EPHA3: variants seen among roughly 807,000 people sequenced by gnomAD.
The protein encoded by EPHA3 is EPH receptor A3.
Under a neutral mutation model 107.1 loss-of-function variants are expected in EPHA3, and 42 were observed. The observed-to-expected ratio is 0.39, with a 90% CI of 0.31 to 0.51. The LOEUF (loss-of-function observed/expected upper bound fraction) is 0.51, where lower values mean the gene tolerates loss of function less well. EPHA3 is among the 20% of genes least tolerant of loss of function. EPHA3 has a pLI of 0.78. For missense variants in EPHA3, 1,183 were observed against 1,211.2 expected (o/e 0.98, Z 0.35); for synonymous variants, 461 against 424.8 (o/e 1.09, Z -1.05).
chr3:89,141,611 G>A (rs1397603646), intron 2 of EPHA3, among the ~76,000 whole-genome samples: 1 of 151,554 alleles, frequency 6.6e-6, no homozygotes, highest in Non-Finnish European at 1.5e-5. Flanking sequence ...CACACTTTAA[G>A]AACCAATGTC....
At chr3:89,139,455 A>G (rs1358142045) in intron 2 of EPHA3, among the ~76,000 whole-genome samples, 2 of 151,892 alleles carry the variant, frequency 1.3e-5, no homozygotes, top group Admixed American at 1.3e-4. Context: ...AAGTTGAATT[A>G]GTAACACAAT....
chr3:89,416,795 G>A (rs889609663), intron 10 of EPHA3, among the ~76,000 whole-genome samples: 8 of 151,324 alleles, frequency 5.3e-5, no homozygotes, highest in African/African-American at 1.9e-4. Flanking sequence ...ACATGTTTAT[G>A]TGTCCAGGTG....
Position 89,418,684 on chromosome 3 carries a change from T to C in EPHA3, c.1889-521T>C, listed in dbSNP as rs79140188. Reference sequence around the variant, plus strand: ...CCCAGAGACTTTTATAGCTGGTATGTCAGTAAAGCAACACACCAATACTCC... The same window carrying C: ...CCCAGAGACTTTTATAGCTGGTATGCCAGTAAAGCAACACACCAATACTCC... On this transcript the variant is annotated intron_variant, in intron 10 of 16. Coordinates refer to ENST00000336596, the MANE Select transcript of EPHA3 (RefSeq NM_005233.6). Among the ~76,000 whole-genome samples the C allele has an allele frequency of 3.4e-4, 51 of 151,538 alleles. 1 individual carries two copies. The East Asian group carries it at 9.0e-3, about 27-fold the overall frequency.
chr3:89,426,270 C>T (rs146368508), intron 11 of EPHA3, among the ~76,000 whole-genome samples: 6 of 151,784 alleles, frequency 4.0e-5, no homozygotes, highest in African/African-American at 1.2e-4. Context: ...AATAATTTCC[C>T]ACCACATTTA....
At chr3:89,203,732 G>C (rs893804391) in intron 2 of EPHA3, among the ~76,000 whole-genome samples, 6 of 151,930 alleles carry the variant, frequency 3.9e-5, no homozygotes, top group Non-Finnish European at 7.4e-5. Flanking sequence ...AGCCGAGATC[G>C]CGCCACTGCA....
Position 89,376,983 on chromosome 3 carries a change from G to A in EPHA3, c.1307-18854G>A, listed in dbSNP as rs150139089. On this transcript the variant is annotated intron_variant, in intron 5 of 16. Coordinates refer to ENST00000336596, the MANE Select transcript of EPHA3 (RefSeq NM_005233.6). ...AAACCCTGCTGACTTTTTAAGGAAC[G>A]TGTTGGAAAATTTTTCTCACAACTT... is the stretch of plus-strand genomic sequence containing the variant. Among the ~76,000 whole-genome samples, 21 of 152,172 alleles carry A rather than the reference G, an allele frequency of 1.4e-4. No homozygotes were observed. In the East Asian group the frequency reaches 3.5e-3, roughly 25 times the overall value.
At chr3:89,314,210 T>G (rs553175095) in intron 3 of EPHA3, among the ~76,000 whole-genome samples, 1 of 151,996 alleles carries the variant, frequency 6.6e-6, no homozygotes, top group South Asian at 2.1e-4. Context: ...GTTGCTATCT[T>G]CACCATAAAA....
chr3:89,468,550 A>T (rs1710336566), intron 15 of EPHA3, among the ~76,000 whole-genome samples: 1 of 152,216 alleles, frequency 6.6e-6, no homozygotes, highest in African/African-American at 2.4e-5. Flanking sequence ...ATTACTATTC[A>T]TGGGACTAAA....
chr3:89,162,838 A>C (rs1704980350), intron 2 of EPHA3, among the ~76,000 whole-genome samples: 1 of 152,166 alleles, frequency 6.6e-6, no homozygotes. Flanking sequence ...CCTGAACTCT[A>C]GGACGGCCAC....
chr3:89,179,667 T>A (rs1255211409), intron 2 of EPHA3, among the ~76,000 whole-genome samples: 5 of 143,598 alleles, frequency 3.5e-5, no homozygotes, highest in Non-Finnish European at 4.6e-5. Flanking sequence ...TTAAAGTCTG[T>A]AAAAAAAAAA....
At chr3:89,163,844 C>T (rs1449990174) in intron 2 of EPHA3, among the ~76,000 whole-genome samples, 2 of 152,078 alleles carry the variant, frequency 1.3e-5, no homozygotes, top group Non-Finnish European at 2.9e-5. Context: ...CACAAAAACC[C>T]ATTCTAAAGT....
chr3:89,434,793 G>C (rs1709634523), intron 13 of EPHA3, among the ~76,000 whole-genome samples: 1 of 152,126 alleles, frequency 6.6e-6, no homozygotes, highest in Non-Finnish European at 1.5e-5. Flanking sequence ...TTGCATTTCT[G>C]TTCCAGTCAC....
intron 2 of EPHA3, among the ~76,000 whole-genome samples, chr3:89,197,417 A>T (rs1576222229): frequency 1.1e-5 from 1 of 88,652 alleles, no homozygotes; most frequent in South Asian, 4.3e-4. Context: ...ACATAAAAAA[A>T]AACATAAAAA....
Position 89,168,868 on chromosome 3 carries a change from G to A in EPHA3, c.154-40992G>A, listed in dbSNP as rs551513271. 4.1e-4 allele frequency among the ~76,000 whole-genome samples: 63 copies of A among 151,966 alleles called. No homozygotes were observed. The East Asian group carries it at 0.011, about 28-fold the overall frequency. On this transcript the variant is annotated intron_variant, in intron 2 of 16. Coordinates refer to ENST00000336596, the MANE Select transcript of EPHA3 (RefSeq NM_005233.6). The stretch of plus-strand genomic sequence containing the variant: ...GAAATTTAAAAATTTAGAAATTCTG[G>A]TACACCATCAAAAAATAAAACTAGC...
chr3:89,113,483 T>TAAAA (rs71621525), intron 1 of EPHA3, among the ~76,000 whole-genome samples: 2 of 2,682 alleles, frequency 7.5e-4, no homozygotes, highest in African/African-American at 1.8e-3. Flanking sequence ...GCTTCCTTTG[T>TAAAA]ACAAAAAAAA....
At chr3:89,414,015 T>C (rs1709202564) in intron 10 of EPHA3, among the ~76,000 whole-genome samples, 1 of 151,574 alleles carries the variant, frequency 6.6e-6, no homozygotes, top group Non-Finnish European at 1.5e-5. Flanking sequence ...TGCTCAACAA[T>C]AAAAAATTTT....
intron 2 of EPHA3, among the ~76,000 whole-genome samples, chr3:89,209,268 C>T (rs1313363853): frequency 6.6e-6 from 1 of 151,906 alleles, no homozygotes; most frequent in African/African-American, 2.4e-5. Context: ...TTATATTTGG[C>T]GGGAAGCTGT....
At chr3:89,221,815 A>C (rs1704383650) in intron 3 of EPHA3, among the ~76,000 whole-genome samples, 1 of 152,156 alleles carries the variant, frequency 6.6e-6, no homozygotes, top group South Asian at 2.1e-4. Context: ...ATATGTCAAT[A>C]ATTTTCATCT....
intron 2 of EPHA3, among the ~76,000 whole-genome samples, chr3:89,158,659 A>G (rs139315287): frequency 1.6e-4 from 24 of 152,204 alleles, no homozygotes; most frequent in African/African-American, 5.5e-4. Flanking sequence ...AAGAGACAAG[A>G]TTTGCTTTTG....
Sources: allele counts gnomAD v4.1 joint callset (sites outside exome capture counted in the v4.1 genomes callset), GRCh38; gene constraint gnomAD v4.1.1; transcripts MANE v1.5; gene names NCBI Gene and HGNC (gene_info 2026-07-23, HGNC 2026-07-21).